SPAG16: variants seen among roughly 807,000 people sequenced by gnomAD.
SPAG16 encodes sperm-associated antigen 16 protein.
SPAG16 carries 86 observed loss-of-function variants against 80.4 expected under a neutral mutation model. The observed-to-expected ratio is 1.07, with a 90% CI of 0.90 to 1.28. The LOEUF is 1.28. SPAG16 is among the 50% of genes most tolerant of loss of function. SPAG16 has a pLI of 0.00. For missense variants in SPAG16, 870 were observed against 765.3 expected (o/e 1.14, Z -1.61); for synonymous variants, 294 against 265.9 (o/e 1.11, Z -1.03).
At chr2:213,514,465 G>A (rs940499836) in intron 10 of SPAG16, among the ~76,000 whole-genome samples, 15 of 151,818 alleles carry the variant, frequency 9.9e-5, no homozygotes, top group Non-Finnish European at 1.9e-4. Context: ...TAATTTTGTC[G>A]GCATATTTTT....
At chr2:214,358,534 T>G (rs1698968030) in intron 15 of SPAG16, among the ~76,000 whole-genome samples, 1 of 151,608 alleles carries the variant, frequency 6.6e-6, no homozygotes, top group African/African-American at 2.4e-5. Flanking sequence ...ATTTGGTTTA[T>G]CATATTATCA....
chr2:213,974,291 G>C (rs547430624), intron 12 of SPAG16, among the ~76,000 whole-genome samples: 4 of 152,100 alleles, frequency 2.6e-5, no homozygotes, highest in African/African-American at 7.2e-5. Flanking sequence ...TGGGTAGAAT[G>C]CATTGAGCCT....
At chr2:213,547,706 T>C (rs1396846886) in intron 10 of SPAG16, among the ~76,000 whole-genome samples, 1 of 152,190 alleles carries the variant, frequency 6.6e-6, no homozygotes, top group African/African-American at 2.4e-5. Context: ...TGGTCCTGTC[T>C]CCACCCAGGT....
At chr2:213,391,546 G>T (rs1040344731) in intron 9 of SPAG16, among the ~76,000 whole-genome samples, 9 of 152,040 alleles carry the variant, frequency 5.9e-5, no homozygotes, top group Non-Finnish European at 1.2e-4. Context: ...AAACTGGGAA[G>T]AATACCATGT....
intron 15 of SPAG16, among the ~76,000 whole-genome samples, chr2:214,361,103 C>A (rs1480642421): frequency 6.6e-6 from 1 of 151,782 alleles, no homozygotes; most frequent in African/African-American, 2.4e-5. Flanking sequence ...GAGGATCCAG[C>A]TTTTAGGTAG....
intron 9 of SPAG16, among the ~76,000 whole-genome samples, chr2:213,481,639 T>C (rs1435347049): frequency 6.6e-6 from 1 of 152,222 alleles, no homozygotes; most frequent in African/African-American, 2.4e-5. Context: ...GCAACCAGTA[T>C]GGCTTCCAAA....
intron 15 of SPAG16, among the ~76,000 whole-genome samples, chr2:214,393,698 T>A (rs1204668117): frequency 2.6e-5 from 4 of 152,096 alleles, no homozygotes; most frequent in Non-Finnish European, 4.4e-5. Flanking sequence ...AGACCCCCAA[T>A]GCTTTACAAC....
chr2:214,069,372 C>G (rs2050681136), intron 13 of SPAG16, among the ~76,000 whole-genome samples: 1 of 152,094 alleles, frequency 6.6e-6, no homozygotes, highest in Non-Finnish European at 1.5e-5. Flanking sequence ...GGAGCGATGT[C>G]TGGTTTTGCT....
intron 15 of SPAG16, among the ~76,000 whole-genome samples, chr2:214,172,424 C>A (rs2056904966): frequency 6.6e-6 from 1 of 152,084 alleles, no homozygotes; most frequent in South Asian, 2.1e-4. Flanking sequence ...AGGACATGAA[C>A]TCATCACGTT....
chr2:213,423,270 GA>G (rs1156248192), intron 9 of SPAG16, among the ~76,000 whole-genome samples: 1 of 152,184 alleles, frequency 6.6e-6, no homozygotes, highest in East Asian at 1.9e-4. Flanking sequence ...ATAATATGAA[GA>G]AGGAAATTCC....
At chr2:213,541,324 T>C (rs2076439250) in intron 10 of SPAG16, among the ~76,000 whole-genome samples, 1 of 152,092 alleles carries the variant, frequency 6.6e-6, no homozygotes. Flanking sequence ...GAGTATGCTC[T>C]TGAAACATCT....
At chr2:213,845,768 T>G (rs2074592004) in intron 10 of SPAG16, among the ~76,000 whole-genome samples, 1 of 152,206 alleles carries the variant, frequency 6.6e-6, no homozygotes, top group Admixed American at 6.5e-5. Flanking sequence ...TGGGCCATTC[T>G]GCTGTTTGTA....
chr2:213,428,842 A>G (rs1485748282), intron 9 of SPAG16, among the ~76,000 whole-genome samples: 2 of 152,160 alleles, frequency 1.3e-5, no homozygotes, highest in Non-Finnish European at 2.9e-5. Context: ...CTGTAATCCC[A>G]GCACTTTGGG....
intron 13 of SPAG16, among the ~76,000 whole-genome samples, chr2:214,047,694 G>A (rs1260215085): frequency 1.3e-5 from 2 of 152,042 alleles, no homozygotes; most frequent in Non-Finnish European, 2.9e-5. Flanking sequence ...GGATAAACAG[G>A]AACACATCAT....
At chr2:213,387,431 C>CTTTTTAT (rs2067489590) in intron 9 of SPAG16, among the ~76,000 whole-genome samples, 2 of 47,916 alleles carry the variant, frequency 4.2e-5, no homozygotes, top group East Asian at 1.4e-3. Context: ...AATGCATGCT[C>CTTTTTAT]TTTTTTTTTT....
At position 214,058,353 on chromosome 2, in the gene SPAG16, G is replaced by C. The variant is rs181232366; in HGVS notation, c.1527+44276G>C. Among the ~76,000 whole-genome samples the C allele has an allele frequency of 1.9e-3, 290 of 152,242 alleles. 1 individual carries two copies. Among genetic ancestry groups the C allele is most frequent in the Non-Finnish European group, 2.0e-3 (136 of 68,014 alleles). On this transcript the variant is annotated intron_variant, in intron 13 of 15. Transcript: ENST00000331683. ...CTCAGTGAATAGAAAGTCCCAAGGA[G>C]AGGGAAGAGAGATGGGGGAGTGGCT...
intron 10 of SPAG16, among the ~76,000 whole-genome samples, chr2:213,528,252 A>G (rs891851874): frequency 1.3e-5 from 2 of 152,110 alleles, no homozygotes; most frequent in African/African-American, 2.4e-5. Context: ...GAGAAAAATA[A>G]CATTTATTTT....
At chr2:214,357,229 AT>A (rs1698875539) in intron 15 of SPAG16, among the ~76,000 whole-genome samples, 1 of 151,824 alleles carries the variant, frequency 6.6e-6, no homozygotes, top group Non-Finnish European at 1.5e-5. Context: ...TACATTTATT[AT>A]TAAGATTGGT....
intron 10 of SPAG16, among the ~76,000 whole-genome samples, chr2:213,647,848 G>A (rs1451989241): frequency 6.6e-6 from 1 of 152,060 alleles, no homozygotes; most frequent in Non-Finnish European, 1.5e-5. Flanking sequence ...TATTCTTCAG[G>A]ACTAAACGAG....
Sources: allele counts gnomAD v4.1 joint callset (sites outside exome capture counted in the v4.1 genomes callset), GRCh38; gene constraint gnomAD v4.1.1; transcripts MANE v1.5; gene names NCBI Gene and HGNC (gene_info 2026-07-23, HGNC 2026-07-21).